NKAIN3: variants seen among roughly 807,000 people sequenced by gnomAD.
NKAIN3 encodes the protein sodium/potassium transporting ATPase interacting 3.
Under a neutral mutation model 30.2 loss-of-function variants are expected in NKAIN3, and 25 were observed. The ratio of observed to expected loss-of-function variants is 0.83; its 90% CI spans 0.60 to 1.16. NKAIN3 has a LOEUF of 1.16. NKAIN3 is among the 50% of genes most tolerant of loss of function. The probability of loss-of-function intolerance (pLI) is 0.00; values close to 1 mark genes in which losing one functional copy is unlikely to be tolerated. For synonymous variants in NKAIN3, 91 were observed against 89.6 expected (o/e 1.02, Z -0.09); for missense variants, 225 against 254.1 (o/e 0.89, Z 0.78).
chr8:62,729,051 A>AAAAC (rs1815381968), intron 3 of NKAIN3, among the ~76,000 whole-genome samples: 1 of 143,858 alleles, frequency 7.0e-6, no homozygotes, highest in Non-Finnish European at 1.5e-5. Flanking sequence ...AAAAAAAAAA[A>AAAAC]ACCTCCTGCT....
chr8:62,503,980 C>A (rs753878690), intron 1 of NKAIN3, among the ~76,000 whole-genome samples: 1 of 152,108 alleles, frequency 6.6e-6, no homozygotes, highest in South Asian at 2.1e-4. Context: ...AAGACAGATG[C>A]AAGAAATTAT....
chr8:62,991,473 T>C (rs1309435091), intron 5 of NKAIN3, among the ~76,000 whole-genome samples: 1 of 152,228 alleles, frequency 6.6e-6, no homozygotes. Flanking sequence ...CTTAATCCTT[T>C]GAGAATATAC....
At chr8:62,302,766 A>G (rs1372923555) in intron 1 of NKAIN3, among the ~76,000 whole-genome samples, 1 of 152,128 alleles carries the variant, frequency 6.6e-6, no homozygotes, top group African/African-American at 2.4e-5. Context: ...TTAGTAAACA[A>G]AAGCATAAGG....
chr8:62,612,141 G>T (rs1047060559), intron 3 of NKAIN3, among the ~76,000 whole-genome samples: 2 of 151,808 alleles, frequency 1.3e-5, no homozygotes, highest in Non-Finnish European at 2.9e-5. Context: ...CAGATTATTA[G>T]ATTATTATTA....
intron 3 of NKAIN3, among the ~76,000 whole-genome samples, chr8:62,720,130 G>T (rs149824015): frequency 3.9e-5 from 6 of 152,088 alleles, no homozygotes; most frequent in African/African-American, 1.4e-4. Flanking sequence ...TTTTATGTAG[G>T]ATTGTGTCAA....
chr8:62,989,122 G>A (rs1049418131), downstream of NKAIN3, among the ~76,000 whole-genome samples: 1 of 152,170 alleles, frequency 6.6e-6, no homozygotes, highest in South Asian at 2.1e-4. Flanking sequence ...TTTGGTCAAA[G>A]ACATTCAACA....
chr8:62,656,435 A>G (rs1316636347), intron 3 of NKAIN3, among the ~76,000 whole-genome samples: 1 of 152,026 alleles, frequency 6.6e-6, no homozygotes, highest in Non-Finnish European at 1.5e-5. Flanking sequence ...CAGAACCTAA[A>G]GTATAAAAAA....
At chr8:62,708,886 G>T (rs1470163755) in intron 3 of NKAIN3, among the ~76,000 whole-genome samples, 1 of 152,066 alleles carries the variant, frequency 6.6e-6, no homozygotes, top group Non-Finnish European at 1.5e-5. Flanking sequence ...ATTACATTAA[G>T]GTATGTCCCT....
intron 1 of NKAIN3, among the ~76,000 whole-genome samples, chr8:62,486,726 G>T (rs1046623806): frequency 2.6e-5 from 4 of 152,174 alleles, no homozygotes; most frequent in Non-Finnish European, 5.9e-5. Context: ...TCATCGCTGG[G>T]CAGTTCTCCT....
chr8:62,497,823 T>G (rs1042029507), intron 1 of NKAIN3, among the ~76,000 whole-genome samples: 1 of 152,012 alleles, frequency 6.6e-6, no homozygotes, highest in Middle Eastern at 3.2e-3. Flanking sequence ...AGTTTATAAA[T>G]TTCTGCAGCC....
chr8:62,345,314 C>CACACATATACACATATATGTATATAT (rs1815900522), intron 1 of NKAIN3, among the ~76,000 whole-genome samples: 1 of 74,758 alleles, frequency 1.3e-5, no homozygotes, highest in African/African-American at 4.3e-5. Flanking sequence ...TGTATATATA[C>CACACATATACACATATATGTATATAT]ACACATATAT....
At chr8:62,672,774 T>A (rs748104225) in intron 3 of NKAIN3, among the ~76,000 whole-genome samples, 5 of 152,206 alleles carry the variant, frequency 3.3e-5, no homozygotes, top group Non-Finnish European at 7.3e-5. Context: ...AGTCTTTTTG[T>A]CTAGGATTTA....
chr8:62,252,666 A>G (rs1260064755), intron 1 of NKAIN3, among the ~76,000 whole-genome samples: 33 of 152,172 alleles, frequency 2.2e-4, no homozygotes, highest in Admixed American at 2.2e-3. Context: ...CCCATCAAAA[A>G]CGATGTGAAA....
At chr8:62,823,517 GT>G (rs1299553231) in intron 4 of NKAIN3, among the ~76,000 whole-genome samples, 1 of 152,108 alleles carries the variant, frequency 6.6e-6, no homozygotes, top group East Asian at 1.9e-4. Flanking sequence ...TGTGTAATTA[GT>G]TTTAAAACCT....
intron 1 of NKAIN3, among the ~76,000 whole-genome samples, chr8:62,492,828 G>T (rs557987472): frequency 1.3e-5 from 2 of 152,194 alleles, no homozygotes; most frequent in African/African-American, 4.8e-5. Flanking sequence ...GCTCTTTGAA[G>T]AATTGTCACA....
intron 1 of NKAIN3, among the ~76,000 whole-genome samples, chr8:62,545,993 T>C (rs1016986816): frequency 6.6e-6 from 1 of 152,194 alleles, no homozygotes; most frequent in Non-Finnish European, 1.5e-5. Context: ...ATCTGAGAAG[T>C]ACAAAAATAC....
intron 5 of NKAIN3, among the ~76,000 whole-genome samples, chr8:62,993,145 A>T (rs1195267019): frequency 6.6e-6 from 1 of 152,124 alleles, no homozygotes; most frequent in Admixed American, 6.6e-5. Flanking sequence ...AGTCGTCCAC[A>T]TTACCTCTTT....
At chr8:62,623,744 A>G (rs550300066) in intron 3 of NKAIN3, among the ~76,000 whole-genome samples, 257 of 152,138 alleles carry the variant, frequency 1.7e-3, no homozygotes, top group African/African-American at 6.1e-3. Flanking sequence ...TAATTTTGTT[A>G]CCAGGAGGAG....
chr8:62,671,926 C>T (rs866873166), intron 3 of NKAIN3, among the ~76,000 whole-genome samples: 4 of 152,088 alleles, frequency 2.6e-5, no homozygotes, highest in African/African-American at 7.2e-5. Context: ...ACCTAGGATT[C>T]GGTCTGACTG....
Sources: allele counts gnomAD v4.1 joint callset (sites outside exome capture counted in the v4.1 genomes callset), GRCh38; gene constraint gnomAD v4.1.1; transcripts MANE v1.5; gene names NCBI Gene and HGNC (gene_info 2026-07-23, HGNC 2026-07-21).